Variants in NCKAP5 observed in about 807,000 individuals in gnomAD.
NCKAP5 encodes NCK associated protein 5.
Under a neutral mutation model 167.0 loss-of-function variants are expected in NCKAP5, and 92 were observed. That is an observed-to-expected ratio of 0.55 (90% CI 0.47 to 0.66). The LOEUF is 0.66. Among genes scored for constraint, NCKAP5 ranks in the 30% least tolerant of loss-of-function variants. The pLI, the probability that NCKAP5 is intolerant of heterozygous loss-of-function variation, is 0.00. For synonymous variants in NCKAP5, 891 were observed against 877.4 expected, an observed-to-expected ratio of 1.02 and a Z score of -0.27; for missense variants, 2,378 against 2,315.0, an observed-to-expected ratio of 1.03 and a Z score of -0.56.
At chr2:133,184,393 G>A (rs1436818046) in intron 5 of NCKAP5, among the ~76,000 whole-genome samples, 6 of 152,102 alleles carry the variant, frequency 3.9e-5, no homozygotes, top group Admixed American at 3.3e-4. Flanking sequence ...TTGGTTCCAT[G>A]TCTTCGTTAT....
intron 8 of NCKAP5, among the ~76,000 whole-genome samples, chr2:132,937,324 T>G (rs1040556503): frequency 6.6e-6 from 1 of 152,202 alleles, no homozygotes; most frequent in Non-Finnish European, 1.5e-5. Flanking sequence ...ATCTTACTGC[T>G]GTAATTAATA....
At chr2:132,878,361 T>A (rs1691452785) in intron 9 of NCKAP5, among the ~76,000 whole-genome samples, 1 of 136,408 alleles carries the variant, frequency 7.3e-6, no homozygotes, top group Admixed American at 7.0e-5. Context: ...AATCTACTGA[T>A]TTTTTTCCCT....
intron 4 of NCKAP5, among the ~76,000 whole-genome samples, chr2:133,285,949 T>C (rs1291475191): frequency 6.6e-6 from 1 of 152,120 alleles, no homozygotes; most frequent in Non-Finnish European, 1.5e-5. Flanking sequence ...TAATAAAAGG[T>C]CAGGAATTAT....
intron 8 of NCKAP5, among the ~76,000 whole-genome samples, chr2:132,921,504 T>C (rs1327906856): frequency 6.6e-6 from 1 of 152,188 alleles, no homozygotes; most frequent in Non-Finnish European, 1.5e-5. Flanking sequence ...TGCAGGTGGA[T>C]AAGTAAAGAG....
At chr2:132,989,322 A>G in intron 7 of NCKAP5, among the ~76,000 whole-genome samples, 1 of 152,204 alleles carries the variant, frequency 6.6e-6, no homozygotes, top group East Asian at 1.9e-4. Context: ...TTCTAACATA[A>G]GTTCCCTAAT....
intron 8 of NCKAP5, among the ~76,000 whole-genome samples, chr2:132,933,081 C>T (rs1244066242): frequency 2.6e-5 from 4 of 152,028 alleles, no homozygotes; most frequent in South Asian, 2.1e-4. Flanking sequence ...CCTGCCACCA[C>T]GCGTGGCTAA....
chr2:132,937,964 T>C (rs548550676), intron 8 of NCKAP5, among the ~76,000 whole-genome samples: 2 of 152,364 alleles, frequency 1.3e-5, no homozygotes, highest in Non-Finnish European at 2.9e-5. Context: ...GACCCTCTGA[T>C]ACATTACATG....
intron 5 of NCKAP5, among the ~76,000 whole-genome samples, chr2:133,162,382 C>T (rs1023257448): frequency 1.6e-4 from 25 of 152,282 alleles, no homozygotes; most frequent in Non-Finnish European, 3.1e-4. Flanking sequence ...CCAACATTTA[C>T]AAGAGTTGTA....
At chr2:133,442,986 G>A (rs1416087353) in intron 3 of NCKAP5, among the ~76,000 whole-genome samples, 1 of 152,208 alleles carries the variant, frequency 6.6e-6, no homozygotes, top group East Asian at 1.9e-4. Context: ...GCCTCTTGGT[G>A]CTAGTTTTTA....
At chr2:132,962,589 G>GT (rs1474139541) in intron 8 of NCKAP5, among the ~76,000 whole-genome samples, 1 of 151,018 alleles carries the variant, frequency 6.6e-6, no homozygotes, top group Non-Finnish European at 1.5e-5. Flanking sequence ...AGGTCTTTTT[G>GT]TTTTTTTGTT....
At chr2:133,179,864 G>A (rs767870894) in intron 5 of NCKAP5, among the ~76,000 whole-genome samples, 1 of 151,856 alleles carries the variant, frequency 6.6e-6, no homozygotes, top group East Asian at 1.9e-4. Flanking sequence ...TGAAACAGAG[G>A]GTTTCAGATT....
chr2:133,087,554 C>T (rs1177424880), intron 6 of NCKAP5, among the ~76,000 whole-genome samples: 6 of 152,146 alleles, frequency 3.9e-5, no homozygotes, highest in Admixed American at 3.3e-4. Context: ...AGGATGTAGG[C>T]TCTGCTAGAC....
chr2:133,645,522 T>C, the NCKAP5 span, among the ~76,000 whole-genome samples: 1 of 152,156 alleles, frequency 6.6e-6, no homozygotes, highest in Non-Finnish European at 1.5e-5. Flanking sequence ...TCAATATTAA[T>C]GAAGCAGTAC....
chr2:133,028,823 T>G (rs75068705), intron 6 of NCKAP5, among the ~76,000 whole-genome samples: 4,205 of 152,270 alleles, frequency 0.028, 174 homozygotes, highest in African/African-American at 0.094. Flanking sequence ...TAGCATAATC[T>G]TCTTGGTGCT....
intron 1 of NCKAP5, among the ~76,000 whole-genome samples, chr2:133,561,735 C>T (rs1688172494): frequency 6.6e-6 from 1 of 151,774 alleles, no homozygotes. Context: ...TGGCAACTGA[C>T]AAAAAAAGAA....
the NCKAP5 span, among the ~76,000 whole-genome samples, chr2:133,617,728 C>A: frequency 2.0e-5 from 3 of 151,606 alleles, no homozygotes; most frequent in African/African-American, 7.3e-5. Flanking sequence ...GCCATACTGC[C>A]CAAGGTAATT....
intron 11 of NCKAP5, among the ~76,000 whole-genome samples, chr2:132,852,155 T>A (rs998697953): frequency 6.6e-6 from 1 of 152,196 alleles, no homozygotes; most frequent in Non-Finnish European, 1.5e-5. Context: ...AATAACAATT[T>A]TTACTAGGGG....
chr2:132,825,446 T>C (rs1185537141), intron 11 of NCKAP5, among the ~76,000 whole-genome samples: 3 of 152,240 alleles, frequency 2.0e-5, no homozygotes, highest in Non-Finnish European at 4.4e-5. Context: ...AAAACGTTAA[T>C]GGCCTCTTCA....
chr2:133,657,879 G>A, the NCKAP5 span, among the ~76,000 whole-genome samples: 1 of 152,148 alleles, frequency 6.6e-6, no homozygotes, highest in Non-Finnish European at 1.5e-5. Flanking sequence ...GGTTAGTAAA[G>A]CAGAAAAGAC....
Sources: gnomAD v4.1 joint callset for allele counts (sites outside exome capture counted in the v4.1 genomes callset) on GRCh38, gnomAD v4.1.1 for gene constraint, MANE v1.5 for transcripts, NCBI Gene and HGNC (gene_info 2026-07-23, HGNC 2026-07-21) for gene names.